The following SIPA1L2 variants were observed in gnomAD, a reference collection of about 807,000 sequenced individuals.
The protein encoded by SIPA1L2 is signal-induced proliferation-associated 1-like protein 2.
A neutral mutation model predicts 163.9 loss-of-function variants in SIPA1L2; 56 were observed. That is an observed-to-expected ratio of 0.34 (90% CI 0.28 to 0.43). SIPA1L2 has a LOEUF of 0.43. Ranked by LOEUF, SIPA1L2 falls within the 20% of genes least tolerant of loss-of-function variation. The probability of loss-of-function intolerance (pLI) is 1.00; values close to 1 mark genes in which losing one functional copy is unlikely to be tolerated. For synonymous variants in SIPA1L2, 877 were observed against 865.7 expected, an observed-to-expected ratio of 1.01 and a Z score of -0.23; for missense variants, 1,974 against 2,193.5, an observed-to-expected ratio of 0.90 and a Z score of 2.00.
chr1:232,543,591 T>G (rs1008675290), intron 2 of SIPA1L2, among the ~76,000 whole-genome samples: 1 of 152,196 alleles, frequency 6.6e-6, no homozygotes, highest in Non-Finnish European at 1.5e-5. Context: ...ATGGGCCAGG[T>G]GCAGTGGCTC....
chr1:232,530,107 G>C (rs1275161537), intron 2 of SIPA1L2, among the ~76,000 whole-genome samples: 3 of 151,874 alleles, frequency 2.0e-5, no homozygotes, highest in African/African-American at 7.3e-5. Flanking sequence ...GGGGCAGGAA[G>C]CCTCACCATT....
chr1:232,428,984 G>A (rs534297422), intron 16 of SIPA1L2, among the ~76,000 whole-genome samples: 6 of 152,184 alleles, frequency 3.9e-5, no homozygotes, highest in Non-Finnish European at 8.8e-5. Context: ...AGGCAACAGA[G>A]AGGAAGCCAC....
At chr1:232,517,176 G>A (rs1257703486) in intron 2 of SIPA1L2, among the ~76,000 whole-genome samples, 1 of 152,158 alleles carries the variant, frequency 6.6e-6, no homozygotes, top group Non-Finnish European at 1.5e-5. Context: ...TCCACGAAAT[G>A]CAAAGAACCA....
At chr1:232,621,736 A>ATT (rs56266753) in intron 1 of SIPA1L2, among the ~76,000 whole-genome samples, 2 of 146,290 alleles carry the variant, frequency 1.4e-5, no homozygotes, top group Non-Finnish European at 3.0e-5. Flanking sequence ...CATTTAAAAC[A>ATT]TTTTTTTTTT....
In SIPA1L2 at chr1:232,415,582, C is replaced by T; in HGVS notation, c.4674G>A (p.Lys1558=). 2 of 1,614,026 alleles carry T rather than the reference C, an allele frequency of 1.2e-6. No individual in the cohort carries two copies. Among genetic ancestry groups the T allele is most frequent in the Non-Finnish European group, 1.7e-6 (2 of 1,179,960 alleles). ...GGGGCATCAGGCCAGGATCTGCGCA[C>T]TTGGACTTATCTGATAAGGACCCAT... The part of the protein sequence containing the change: ...FSDGSLSDKS[K]CADPGLMPLP... The change falls in exon 19 of 23, where the codon AAG becomes AAA. Residue 1558 remains lysine, a synonymous_variant. Transcript: ENST00000674635.
At chr1:232,399,589 G>A (rs919840461) in intron 22 of SIPA1L2, among the ~76,000 whole-genome samples, 1 of 152,020 alleles carries the variant, frequency 6.6e-6, no homozygotes, top group Non-Finnish European at 1.5e-5. Flanking sequence ...CTACAGGGAG[G>A]TTAAAGGTAA....
At chr1:232,545,111 T>A (rs1167612737) in intron 2 of SIPA1L2, among the ~76,000 whole-genome samples, 1 of 152,234 alleles carries the variant, frequency 6.6e-6, no homozygotes, top group African/African-American at 2.4e-5. Context: ...TTTCAATTTG[T>A]AAGAATATTT....
chr1:232,430,340 C>A (rs1283862319), intron 16 of SIPA1L2, among the ~76,000 whole-genome samples: 1 of 152,166 alleles, frequency 6.6e-6, no homozygotes, highest in East Asian at 1.9e-4. Context: ...TGCACAGAAG[C>A]CTGAGACAGA....
At chr1:232,440,376 C>T (rs1194134794) in intron 14 of SIPA1L2, among the ~76,000 whole-genome samples, 2 of 152,282 alleles carry the variant, frequency 1.3e-5, no homozygotes, top group South Asian at 4.1e-4. Context: ...TTTATTCCAG[C>T]CTATCAGATC....
At chr1:232,595,897 G>C (rs113608795) in intron 1 of SIPA1L2, among the ~76,000 whole-genome samples, 3 of 152,236 alleles carry the variant, frequency 2.0e-5, no homozygotes, top group African/African-American at 7.2e-5. Flanking sequence ...GATCGAATGG[G>C]TCCAAATATG....
intron 8 of SIPA1L2, among the ~76,000 whole-genome samples, chr1:232,469,637 T>C (rs923110953): frequency 5.3e-5 from 8 of 152,276 alleles, no homozygotes; most frequent in African/African-American, 1.9e-4. Context: ...CAATGTGGTT[T>C]CTTAAAAACC....
chr1:232,563,751 GT>G (rs1429346868), intron 2 of SIPA1L2, among the ~76,000 whole-genome samples: 3 of 152,148 alleles, frequency 2.0e-5, no homozygotes, highest in Non-Finnish European at 4.4e-5. Flanking sequence ...GTCTCGCTCT[GT>G]TGCCCAGGCT....
rs181456303 is a variant in SIPA1L2, at chr1:232,470,558, T to C, written c.2243+813A>G. 9.3e-4 allele frequency among the ~76,000 whole-genome samples: 141 copies of C among 152,290 alleles called. 1 individual carries two copies. The highest frequency in any genetic ancestry group is 3.1e-3 in the African/African-American group (129 of 41,554). On this transcript the variant is annotated intron_variant, in intron 8 of 22. Coordinates refer to ENST00000674635, the MANE Select transcript of SIPA1L2 (RefSeq NM_020808.5). ...AGTCGTGTCTCTGAACTAGGCCCAG[T>C]GGGCAGCTGAATTGGCAACTACTGC... is the stretch of plus-strand genomic sequence containing the variant.
At chr1:232,499,813 C>T (rs544864775) in intron 3 of SIPA1L2, among the ~76,000 whole-genome samples, 77 of 62,968 alleles carry the variant, frequency 1.2e-3, no homozygotes, top group African/African-American at 6.5e-3. Flanking sequence ...ATAGGCTTGA[C>T]TCTTGCTAGT....
intron 19 of SIPA1L2, among the ~76,000 whole-genome samples, chr1:232,411,757 G>A (rs1352586122): frequency 6.6e-6 from 1 of 152,080 alleles, no homozygotes; most frequent in African/African-American, 2.4e-5. Flanking sequence ...CTCTCTGGGT[G>A]TAGTCCAGAT....
At chr1:232,448,989 T>A (rs938738537) in intron 10 of SIPA1L2, among the ~76,000 whole-genome samples, 1 of 152,054 alleles carries the variant, frequency 6.6e-6, no homozygotes, top group Non-Finnish European at 1.5e-5. Flanking sequence ...TCACTTCTCC[T>A]TCCTCTAAAC....
At chr1:232,559,470 T>TG (rs1658909794) in intron 2 of SIPA1L2, among the ~76,000 whole-genome samples, 1 of 152,146 alleles carries the variant, frequency 6.6e-6, no homozygotes, top group Non-Finnish European at 1.5e-5. Flanking sequence ...TGAAAAGAAA[T>TG]ATGCCAACTC....
Position 232,399,101 on chromosome 1 carries a change from T to C in SIPA1L2, c.*26A>G. The C allele has an allele frequency of 6.2e-7, 1 of 1,613,862 alleles. No homozygotes were observed. Among genetic ancestry groups the C allele is most frequent in the Non-Finnish European group, 8.5e-7 (1 of 1,179,840 alleles). ...CAAAGGGACAAGGGGCATTTCCCAG[T>C]GGTCCCTTGATGAGGTGCGGATTGG... is the stretch of plus-strand genomic sequence containing the variant. On this transcript the variant is annotated 3_prime_UTR_variant, in exon 23 of 23. Transcript: ENST00000674635.
At chr1:232,501,740 T>A (rs1666491045) in intron 3 of SIPA1L2, among the ~76,000 whole-genome samples, 1 of 152,148 alleles carries the variant, frequency 6.6e-6, no homozygotes, top group South Asian at 2.1e-4. Context: ...CCAGCCCTGT[T>A]TTCACTCCCC....
Sources: gnomAD v4.1 joint callset for allele counts (sites outside exome capture counted in the v4.1 genomes callset) on GRCh38, gnomAD v4.1.1 for gene constraint, MANE v1.5 for transcripts, NCBI Gene and HGNC (gene_info 2026-07-23, HGNC 2026-07-21) for gene names.